Variants in FOLH1 observed in about 807,000 individuals in gnomAD.
FOLH1 encodes glutamate carboxypeptidase 2.
In FOLH1, 54 loss-of-function variants were observed where a neutral mutation model predicts 93.9. The observed-to-expected ratio is 0.57, with a 90% CI of 0.46 to 0.72. The LOEUF (loss-of-function observed/expected upper bound fraction) is 0.72, where lower values mean the gene tolerates loss of function less well. Ranked by LOEUF, FOLH1 falls within the 30% of genes least tolerant of loss-of-function variation. The pLI is 0.00. For synonymous variants in FOLH1, 249 were observed against 303.6 expected (o/e 0.82, Z 1.87); for missense variants, 571 against 892.5 (o/e 0.64, Z 4.59).
chr11:49,202,823 G>A (rs1863430801), intron 2 of FOLH1, among the ~76,000 whole-genome samples: 1 of 152,138 alleles, frequency 6.6e-6, no homozygotes, highest in African/African-American at 2.4e-5. Flanking sequence ...GGGGAGGCTG[G>A]AGCTCCAAGC....
Position 49,146,630 on chromosome 11 carries a change from A to T in FOLH1, c.*126T>A. Reference sequence around the variant, plus strand: ...AACACACACATATATAAACACTCACATAACTATATATAATATTCAACTTTA... The same window carrying T: ...AACACACACATATATAAACACTCACTTAACTATATATAATATTCAACTTTA... On this transcript the variant is annotated 3_prime_UTR_variant, in exon 19 of 19. Transcript: ENST00000256999. 1.4e-6 allele frequency: 1 copy of T among 716,612 alleles called. No individual in the cohort carries two copies. The highest frequency in any genetic ancestry group is 2.2e-6 in the Non-Finnish European group (1 of 452,702). 44.4% of individuals were successfully genotyped at this position (716,612 alleles called of 1,614,324 possible).
chr11:49,170,512 G>A (rs1353296703), intron 11 of FOLH1, among the ~76,000 whole-genome samples: 2 of 152,132 alleles, frequency 1.3e-5, no homozygotes, highest in Non-Finnish European at 2.9e-5. Flanking sequence ...CTACTCAGGA[G>A]CCTAGGGCAG....
Position 49,173,323 on chromosome 11 carries a change from G to A in FOLH1, c.1225+34C>T, listed in dbSNP as rs376353024. On this transcript the variant is annotated intron_variant, in intron 10 of 18. Transcript: ENST00000256999. ...AGAAGACTAAACTGAGACTCAGATA[G>A]GCTGTTTTTTTTCTTGCTGTTTGTT... The A allele has an allele frequency of 8.6e-5, 137 of 1,592,496 alleles. 1 individual carries two copies. In the African/African-American group the frequency reaches 1.5e-3, roughly 18 times the overall value.
At chr11:49,199,888 C>T (rs1863081610) in intron 3 of FOLH1, among the ~76,000 whole-genome samples, 1 of 151,096 alleles carries the variant, frequency 6.6e-6, no homozygotes, top group Non-Finnish European at 1.5e-5. Flanking sequence ...TCCAGCCTGC[C>T]TGACAGGAGT....
intron 7 of FOLH1, among the ~76,000 whole-genome samples, chr11:49,178,886 T>C (rs1860404842): frequency 6.6e-6 from 1 of 152,222 alleles, no homozygotes; most frequent in Admixed American, 6.5e-5. Context: ...TGGAGAAGAC[T>C]TGTTGTCTAC....
intron 13 of FOLH1, among the ~76,000 whole-genome samples, chr11:49,164,341 T>G (rs1411113582): frequency 6.6e-6 from 1 of 152,224 alleles, no homozygotes; most frequent in African/African-American, 2.4e-5. Context: ...ATCACTATAC[T>G]GAAGAGTATA....
intron 7 of FOLH1, among the ~76,000 whole-genome samples, chr11:49,177,554 T>C (rs922935336): frequency 8.3e-5 from 12 of 143,958 alleles, no homozygotes; most frequent in African/African-American, 3.0e-4. Context: ...CAATAAATTA[T>C]TTTTTTTTTC....
intron 11 of FOLH1, among the ~76,000 whole-genome samples, chr11:49,169,732 T>C (rs1373726160): frequency 6.6e-6 from 1 of 152,196 alleles, no homozygotes; most frequent in Non-Finnish European, 1.5e-5. Context: ...ACTTAAATCA[T>C]CTCCTGACCA....
At chr11:49,182,002 A>G (rs976156501) in intron 7 of FOLH1, among the ~76,000 whole-genome samples, 2 of 152,146 alleles carry the variant, frequency 1.3e-5, no homozygotes, top group African/African-American at 4.8e-5. Flanking sequence ...TATCAATTTC[A>G]CTTTTAGAAA....
chr11:49,191,161 G>A (rs1590648232), intron 4 of FOLH1, among the ~76,000 whole-genome samples: 1 of 152,212 alleles, frequency 6.6e-6, no homozygotes, highest in East Asian at 1.9e-4. Context: ...ACAGGCGCCC[G>A]CCACCACTCC....
chr11:49,152,092 C>T (rs1856565735), intron 17 of FOLH1, among the ~76,000 whole-genome samples: 1 of 151,848 alleles, frequency 6.6e-6, no homozygotes, highest in Non-Finnish European at 1.5e-5. Flanking sequence ...TTCTAAGTAT[C>T]TTCTATTATG....
chr11:49,175,180 A>G (rs567063935), intron 8 of FOLH1, among the ~76,000 whole-genome samples: 1 of 152,298 alleles, frequency 6.6e-6, no homozygotes, highest in South Asian at 2.1e-4. Flanking sequence ...AGACTCAAAC[A>G]AAGGCCAAAT....
chr11:49,191,244 C>T (rs2135244674), intron 4 of FOLH1, among the ~76,000 whole-genome samples: 1 of 152,302 alleles, frequency 6.6e-6, no homozygotes, highest in East Asian at 1.9e-4. Flanking sequence ...GATCTCCTGA[C>T]CTCTTGATCC....
chr11:49,177,149 C>T (rs1860151529), intron 7 of FOLH1, among the ~76,000 whole-genome samples: 1 of 152,158 alleles, frequency 6.6e-6, no homozygotes, highest in Admixed American at 6.5e-5. Context: ...ATCACTTTCT[C>T]GTGGAAAATT....
At chr11:49,171,545 C>T (rs962992420) in intron 10 of FOLH1, among the ~76,000 whole-genome samples, 9 of 151,896 alleles carry the variant, frequency 5.9e-5, no homozygotes, top group Admixed American at 1.3e-4. Context: ...TATAATGATT[C>T]GCTATGCATA....
intron 6 of FOLH1, among the ~76,000 whole-genome samples, chr11:49,184,646 C>CA (rs575011447): frequency 2.1e-4 from 31 of 151,076 alleles, no homozygotes; most frequent in South Asian, 4.2e-4. Context: ...TTTACAAAGC[C>CA]AAAAAAAATA....
At chr11:49,193,276 AGAAG>A (rs1317183248) in intron 3 of FOLH1, among the ~76,000 whole-genome samples, 9 of 152,234 alleles carry the variant, frequency 5.9e-5, no homozygotes, top group Non-Finnish European at 1.3e-4. Context: ...GTGTACTGAT[AGAAG>A]GAAGAATTAG....
intron 7 of FOLH1, among the ~76,000 whole-genome samples, chr11:49,180,081 G>A (rs1331880213): frequency 6.6e-6 from 1 of 152,354 alleles, no homozygotes; most frequent in South Asian, 2.1e-4. Flanking sequence ...TAGAGAGTAA[G>A]TAGTGTTTAC....
intron 3 of FOLH1, among the ~76,000 whole-genome samples, chr11:49,197,688 C>T (rs1256521367): frequency 6.6e-6 from 1 of 152,038 alleles, no homozygotes; most frequent in Non-Finnish European, 1.5e-5. Context: ...AACTGTTATT[C>T]ATAACAATTA....
Sources: gnomAD v4.1 joint callset for allele counts (sites outside exome capture counted in the v4.1 genomes callset) on GRCh38, gnomAD v4.1.1 for gene constraint, MANE v1.5 for transcripts, NCBI Gene and HGNC (gene_info 2026-07-23, HGNC 2026-07-21) for gene names.